The following MAP2 variants were observed in gnomAD, a reference collection of about 807,000 sequenced individuals.
MAP2 encodes microtubule-associated protein 2.
In MAP2, 14 loss-of-function variants were observed where a neutral mutation model predicts 137.6. The observed-to-expected ratio is 0.10, with a 90% CI of 0.07 to 0.16. The LOEUF (loss-of-function observed/expected upper bound fraction) is 0.16, where lower values mean the gene tolerates loss of function less well. Among genes scored for constraint, MAP2 ranks in the 10% least tolerant of loss-of-function variants. MAP2 has a pLI of 1.00. For synonymous variants in MAP2, 786 were observed against 782.3 expected (o/e 1.00, Z -0.08); for missense variants, 2,088 against 2,191.5 (o/e 0.95, Z 0.94).
Position 209,680,846 on chromosome 2 carries a change from T to C in MAP2, c.454+19T>C. On this transcript the variant is annotated intron_variant, in intron 7 of 15. Transcript: ENST00000682079. ...GAGGAAGGTAAGGCCTATTGGACTT[T>C]TCAGGGTTTGTCTTCTGTTAAAGTG... 3 of 1,606,784 alleles carry C rather than the reference T, an allele frequency of 1.9e-6. No individual in the cohort carries two copies. In the Middle Eastern group the frequency reaches 5.0e-4, roughly 266 times the overall value.
intron 2 of MAP2, among the ~76,000 whole-genome samples, chr2:209,548,773 T>A (rs180714034): frequency 1.8e-4 from 28 of 152,252 alleles, no homozygotes; most frequent in African/African-American, 6.7e-4. Context: ...TCTGATGGCT[T>A]TATAAGTGTT....
intron 2 of MAP2, among the ~76,000 whole-genome samples, chr2:209,512,210 A>C (rs762628903): frequency 6.6e-6 from 1 of 152,130 alleles, no homozygotes; most frequent in Non-Finnish European, 1.5e-5. Flanking sequence ...CTCTATCAAA[A>C]TATGCTAATT....
At chr2:209,726,523 C>A (rs1418899915) in intron 14 of MAP2, among the ~76,000 whole-genome samples, 1 of 152,120 alleles carries the variant, frequency 6.6e-6, no homozygotes, top group Non-Finnish European at 1.5e-5. Context: ...CTTTGGGAAT[C>A]CAAGGCAGGA....
At chr2:209,455,427 T>G (rs1444859470) in intron 1 of MAP2, among the ~76,000 whole-genome samples, 1 of 152,200 alleles carries the variant, frequency 6.6e-6, no homozygotes, top group Non-Finnish European at 1.5e-5. Context: ...CTGAAATTGC[T>G]CCAGCTCTGT....
At chr2:209,560,860 A>C (rs1235605476) in intron 2 of MAP2, among the ~76,000 whole-genome samples, 1 of 152,048 alleles carries the variant, frequency 6.6e-6, no homozygotes, top group Non-Finnish European at 1.5e-5. Context: ...GTATCACTTT[A>C]TACTCTCAAA....
chr2:209,704,733 T>C (rs2062862474), intron 11 of MAP2: 9 of 997,584 alleles, frequency 9.0e-6, no homozygotes, highest in Non-Finnish European at 1.1e-5. Flanking sequence ...TCTGAAGTGT[T>C]TGACACATAA....
At chr2:209,501,740 A>G (rs559116295) in intron 1 of MAP2, among the ~76,000 whole-genome samples, 16 of 152,296 alleles carry the variant, frequency 1.1e-4, no homozygotes, top group South Asian at 1.0e-3. Context: ...GGCAACATCA[A>G]TCTTCACAAT....
chr2:209,562,618 ACC>A (rs2072410987), intron 2 of MAP2, among the ~76,000 whole-genome samples: 1 of 151,838 alleles, frequency 6.6e-6, no homozygotes, highest in African/African-American at 2.4e-5. Flanking sequence ...AGTCACTTGA[ACC>A]CAGAAGGCGG....
At chr2:209,605,134 A>G (rs1311542498) in intron 3 of MAP2, among the ~76,000 whole-genome samples, 1 of 152,214 alleles carries the variant, frequency 6.6e-6, no homozygotes, top group Non-Finnish European at 1.5e-5. Flanking sequence ...TTTAGAAAAC[A>G]ATTTTAAAAA....
At chr2:209,452,468 G>GA (rs1575163500) in intron 1 of MAP2, among the ~76,000 whole-genome samples, 2 of 151,950 alleles carry the variant, frequency 1.3e-5, no homozygotes, top group Admixed American at 6.6e-5. Context: ...CACATACCTA[G>GA]AAAAAAATCA....
At chr2:209,544,555 C>T (rs1234858932) in intron 2 of MAP2, among the ~76,000 whole-genome samples, 2 of 152,122 alleles carry the variant, frequency 1.3e-5, no homozygotes, top group East Asian at 1.9e-4. Context: ...CTTAGGCCAG[C>T]GTAGAAGGAT....
intron 1 of MAP2, among the ~76,000 whole-genome samples, chr2:209,429,388 T>C (rs1693611634): frequency 6.6e-6 from 1 of 152,194 alleles, no homozygotes; most frequent in Non-Finnish European, 1.5e-5. Flanking sequence ...AACTAGTTTT[T>C]TTTTTTTAAC....
At chr2:209,536,650 C>A (rs2065991267) in intron 2 of MAP2, among the ~76,000 whole-genome samples, 1 of 152,118 alleles carries the variant, frequency 6.6e-6, no homozygotes. Context: ...GATGGTGAGA[C>A]AAGACATGGT....
At chr2:209,724,010 C>T (rs897323649) in intron 13 of MAP2, among the ~76,000 whole-genome samples, 1 of 152,184 alleles carries the variant, frequency 6.6e-6, no homozygotes, top group South Asian at 2.1e-4. Flanking sequence ...TGTATTTTCT[C>T]ACGTTGTTTC....
chr2:209,721,187 A>C (rs1285099201), intron 13 of MAP2, among the ~76,000 whole-genome samples: 1 of 152,192 alleles, frequency 6.6e-6, no homozygotes, highest in Admixed American at 6.5e-5. Context: ...GCTAGAGTGT[A>C]ACTCTTCATG....
intron 2 of MAP2, among the ~76,000 whole-genome samples, chr2:209,577,863 T>A (rs1244790769): frequency 3.3e-5 from 5 of 152,082 alleles, no homozygotes; most frequent in Non-Finnish European, 7.4e-5. Context: ...AGACTGGAAA[T>A]GAAAGAAAAG....
chr2:209,526,123 G>A (rs2064007447), intron 2 of MAP2, among the ~76,000 whole-genome samples: 1 of 152,050 alleles, frequency 6.6e-6, no homozygotes, highest in Admixed American at 6.6e-5. Flanking sequence ...CATATCATGG[G>A]CTTTTTACAG....
At chr2:209,625,955 A>G (rs1266215228) in intron 4 of MAP2, among the ~76,000 whole-genome samples, 1 of 152,148 alleles carries the variant, frequency 6.6e-6, no homozygotes, top group African/African-American at 2.4e-5. Flanking sequence ...TTATGGAAAG[A>G]TTATAAATGA....
chr2:209,697,517 G>A (rs971458813), intron 10 of MAP2, among the ~76,000 whole-genome samples: 2 of 151,850 alleles, frequency 1.3e-5, no homozygotes, highest in African/African-American at 4.8e-5. Context: ...TAGTGATTTA[G>A]ATACTGAAAA....
Sources: allele counts gnomAD v4.1 joint callset (sites outside exome capture counted in the v4.1 genomes callset), GRCh38; gene constraint gnomAD v4.1.1; transcripts MANE v1.5; gene names NCBI Gene and HGNC (gene_info 2026-07-23, HGNC 2026-07-21).